The following CDNF variants were observed in gnomAD, a reference collection of about 807,000 sequenced individuals.
CDNF encodes cerebral dopamine neurotrophic factor.
A neutral mutation model predicts 14.8 loss-of-function variants in CDNF; 9 were observed. The observed-to-expected ratio is 0.61, with a 90% CI of 0.37 to 1.06. CDNF has a LOEUF of 1.06. Ranked by LOEUF, CDNF falls within the 50% of genes least tolerant of loss-of-function variation. CDNF has a pLI of 0.01. For missense variants in CDNF, 228 were observed against 228.4 expected (o/e 1.00, Z 0.01); for synonymous variants, 86 against 87.2 (o/e 0.99, Z 0.07).
intron 1 of CDNF, among the ~76,000 whole-genome samples, chr10:14,830,883 A>T (rs1230284554): frequency 1.3e-5 from 2 of 152,054 alleles, no homozygotes; most frequent in African/African-American, 2.4e-5. Flanking sequence ...AACAAGACTC[A>T]CATTTGCTGA....
chr10:14,833,556 G>C (rs189280930), intron 1 of CDNF, among the ~76,000 whole-genome samples: 1 of 152,170 alleles, frequency 6.6e-6, no homozygotes, highest in African/African-American at 2.4e-5. Flanking sequence ...TATATGTTCT[G>C]TTTGGTCCTA....
intron 1 of CDNF, among the ~76,000 whole-genome samples, chr10:14,829,982 T>C (rs1258376769): frequency 1.3e-5 from 2 of 152,166 alleles, no homozygotes; most frequent in African/African-American, 4.8e-5. Flanking sequence ...GCCTCGTTTC[T>C]TTGTGTGCTT....
chr10:14,823,763 A>G (rs1207019923), intron 3 of CDNF, among the ~76,000 whole-genome samples: 1 of 152,146 alleles, frequency 6.6e-6, no homozygotes, highest in African/African-American at 2.4e-5. Context: ...CTGGGCTCAA[A>G]TGATCCTCCT....
Position 14,825,546 on chromosome 10 carries a change from A to G in CDNF, c.318T>C (p.His106=). The G allele has an allele frequency of 6.2e-7, 1 of 1,614,108 alleles. No homozygotes were observed. The highest frequency in any genetic ancestry group is 2.2e-5 in the East Asian group (1 of 44,882). Residue 106 remains histidine, a synonymous_variant, in exon 3 of 4, where the codon CAT becomes CAC. Transcript: ENST00000465530. The stretch of plus-strand genomic sequence containing the variant: ...TCTCACAAATCTTCATTGCAGGCAT[A>G]TGCACACTCATTGGGCGAGTGACTT... ...LSEVTRPMSV[H]MPAMKICEKL...
intron 3 of CDNF, 47 bp downstream of exon 3, chr10:14,825,432 T>G: frequency 6.4e-7 from 1 of 1,571,904 alleles, no homozygotes; most frequent in South Asian, 1.1e-5. Context: ...TTTAGAGGTT[T>G]GGGAATCCAT....
intron 3 of CDNF, among the ~76,000 whole-genome samples, chr10:14,821,227 C>A (rs760772933): frequency 6.6e-6 from 1 of 151,994 alleles, no homozygotes; most frequent in East Asian, 1.9e-4. Context: ...CTGGTTCAAG[C>A]GATTCTCCTG....
chr10:14,820,589 G>A (rs777447301), intron 3 of CDNF, among the ~76,000 whole-genome samples: 24 of 151,790 alleles, frequency 1.6e-4, no homozygotes, highest in African/African-American at 3.1e-4. Flanking sequence ...AAAATTAGCC[G>A]GGCATGGCGG....
intron 3 of CDNF, among the ~76,000 whole-genome samples, chr10:14,821,170 G>T (rs909016161): frequency 1.3e-5 from 2 of 151,898 alleles, no homozygotes; most frequent in African/African-American, 4.8e-5. Flanking sequence ...AGCCACCCAG[G>T]CTGGAGTGCA....
intron 1 of CDNF, 97 bp downstream of exon 1, chr10:14,837,735 A>C: frequency 1.5e-6 from 1 of 666,676 alleles, no homozygotes; most frequent in Non-Finnish European, 2.5e-6. Flanking sequence ...CCTGGGCGGA[A>C]TGTTATTTAT....
intron 1 of CDNF, among the ~76,000 whole-genome samples, chr10:14,835,262 C>T (rs1235774465): frequency 5.3e-5 from 8 of 152,028 alleles, no homozygotes; most frequent in African/African-American, 1.9e-4. Flanking sequence ...GTTTGGGTTG[C>T]CAAGAAGAGT....
intron 1 of CDNF, among the ~76,000 whole-genome samples, chr10:14,829,101 T>C (rs1400713748): frequency 6.6e-6 from 1 of 152,208 alleles, no homozygotes; most frequent in Non-Finnish European, 1.5e-5. Flanking sequence ...CTAAATGCAG[T>C]GGACACATTG....
At chr10:14,824,903 C>T (rs1356976952) in intron 3 of CDNF, among the ~76,000 whole-genome samples, 5 of 151,986 alleles carry the variant, frequency 3.3e-5, no homozygotes, top group African/African-American at 1.2e-4. Flanking sequence ...CCTTGACATA[C>T]GTATCTGGCT....
At position 14,828,146 on chromosome 10, in the gene CDNF, A is replaced by T; in HGVS notation, c.242T>A (p.Leu81Gln). ...AATGAAAGGTGAAATTTACTATACC[A>T]GGCGGTTTTCTTTTCCTTTGGTGTC... ...CLDTKGKENR[L>Q]CYYLGATKDA... Residue 81 changes from leucine to glutamine, a missense_variant and splice_region_variant, in exon 2 of 4, where the codon CTG becomes CAG. Physicochemically the swap from Leu to Gln is moderately radical, Grantham distance 113 (BLOSUM62 -2). Coordinates refer to ENST00000465530, the MANE Select transcript of CDNF (RefSeq NM_001029954.3). The T allele has an allele frequency of 6.2e-7, 1 of 1,613,748 alleles. No individual in the cohort carries two copies. Among genetic ancestry groups the T allele is most frequent in the Non-Finnish European group, 8.5e-7 (1 of 1,179,862 alleles).
rs1395069965 is a variant in CDNF at position 14,819,441 on chromosome 10, G to A, written c.*539C>T. On this transcript the variant is annotated 3_prime_UTR_variant, in exon 4 of 4. Transcript: ENST00000465530. Reference sequence around the variant, plus strand: ...CTCTATTTTCTTTAAGTAGGTTTAAGTGGGTTTTCTTCCAATGGGAAAAAC... The same window carrying A: ...CTCTATTTTCTTTAAGTAGGTTTAAATGGGTTTTCTTCCAATGGGAAAAAC... 2 of 152,152 alleles carry A rather than the reference G, an allele frequency of 1.3e-5. No homozygotes were observed. Among genetic ancestry groups the A allele is most frequent in the African/African-American group, 4.8e-5 (2 of 41,420 alleles). 9.4% of individuals were successfully genotyped at this position (152,152 alleles called of 1,614,324 possible).
chr10:14,821,747 C>G (rs1270510145), intron 3 of CDNF, among the ~76,000 whole-genome samples: 1 of 152,200 alleles, frequency 6.6e-6, no homozygotes, highest in Non-Finnish European at 1.5e-5. Flanking sequence ...TTGGAGCATT[C>G]TCAAGATCAG....
At position 14,819,903 on chromosome 10, in the gene CDNF, C is replaced by T. The variant is rs1833722815; in HGVS notation, c.*77G>A. On this transcript the variant is annotated 3_prime_UTR_variant, in exon 4 of 4. Coordinates refer to ENST00000465530, the MANE Select transcript of CDNF (RefSeq NM_001029954.3). ...CCAAATATGATGCATTCCCAGTTAT[C>T]CTTAATCAACATGTCCATATCCTAG... 2.2e-6 allele frequency: 3 copies of T among 1,377,164 alleles called. No homozygotes were observed. Among genetic ancestry groups the T allele is most frequent in the Non-Finnish European group, 3.0e-6 (3 of 1,005,214 alleles). 85.3% of individuals were successfully genotyped at this position (1,377,164 alleles called of 1,614,324 possible).
chr10:14,836,923 G>C (rs150377997), intron 1 of CDNF, among the ~76,000 whole-genome samples: 1 of 152,226 alleles, frequency 6.6e-6, no homozygotes, highest in African/African-American at 2.4e-5. Flanking sequence ...CAGTGAGACT[G>C]TCTCAAAACA....
At chr10:14,828,487 A>C (rs185061462) in intron 1 of CDNF, among the ~76,000 whole-genome samples, 1 of 152,110 alleles carries the variant, frequency 6.6e-6, no homozygotes, top group Admixed American at 6.5e-5. Flanking sequence ...TCTCTACTAA[A>C]ATACAAAAAA....
chr10:14,825,901 AGATCATGCCAG>A (rs200082369), intron 2 of CDNF, among the ~76,000 whole-genome samples: 1,581 of 151,876 alleles, frequency 0.01, 28 homozygotes, highest in African/African-American at 0.036. Context: ...CAGTGAGCCA[AGATCATGCCAG>A]GGCACTCCAG....
Sources: allele counts gnomAD v4.1 joint callset (sites outside exome capture counted in the v4.1 genomes callset), GRCh38; gene constraint gnomAD v4.1.1; transcripts MANE v1.5; gene names NCBI Gene and HGNC (gene_info 2026-07-23, HGNC 2026-07-21).